Variants in EVA1C observed in about 807,000 individuals in gnomAD.
EVA1C encodes eva-1 homolog C.
Under a neutral mutation model 45.4 loss-of-function variants are expected in EVA1C, and 25 were observed. The ratio of observed to expected loss-of-function variants is 0.55; its 90% CI spans 0.40 to 0.77. The LOEUF (loss-of-function observed/expected upper bound fraction) is 0.77, where lower values mean the gene tolerates loss of function less well. Among genes scored for constraint, EVA1C ranks in the 30% least tolerant of loss-of-function variants. The pLI, the probability that EVA1C is intolerant of heterozygous loss-of-function variation, is 0.00. For synonymous variants in EVA1C, 190 were observed against 221.2 expected, an observed-to-expected ratio of 0.86 and a Z score of 1.25; for missense variants, 479 against 554.8, an observed-to-expected ratio of 0.86 and a Z score of 1.37.
chr21:32,503,630 G>C (rs1474060401), intron 6 of EVA1C, among the ~76,000 whole-genome samples: 1 of 152,206 alleles, frequency 6.6e-6, no homozygotes, highest in Non-Finnish European at 1.5e-5. Context: ...TTTAGGATGG[G>C]AAAATCCACT....
At chr21:32,488,680 G>A (rs1384414824) in intron 4 of EVA1C, among the ~76,000 whole-genome samples, 5 of 151,658 alleles carry the variant, frequency 3.3e-5, no homozygotes, top group African/African-American at 9.7e-5. Flanking sequence ...CCGCCTCCCC[G>A]GTTCAAGCAA....
At chr21:32,431,101 A>G (rs1212543091) in intron 1 of EVA1C, among the ~76,000 whole-genome samples, 1 of 152,188 alleles carries the variant, frequency 6.6e-6, no homozygotes, top group Non-Finnish European at 1.5e-5. Flanking sequence ...GGGAACTACA[A>G]TTAGAGATTT....
At chr21:32,445,006 G>A (rs1311534673) in intron 1 of EVA1C, among the ~76,000 whole-genome samples, 1 of 152,124 alleles carries the variant, frequency 6.6e-6, no homozygotes, top group African/African-American at 2.4e-5. Context: ...AATGACCAAG[G>A]CAAGTTGTAA....
intron 3 of EVA1C, 25 bp downstream of exon 3, chr21:32,457,745 T>A: frequency 6.2e-7 from 1 of 1,613,756 alleles, no homozygotes; most frequent in East Asian, 2.2e-5. Context: ...AGGGGGACAG[T>A]GTGTTTGGGG....
intron 2 of EVA1C, among the ~76,000 whole-genome samples, chr21:32,454,187 C>A (rs1383993499): frequency 6.6e-6 from 1 of 152,190 alleles, no homozygotes; most frequent in East Asian, 1.9e-4. Context: ...TGAGATCATG[C>A]CACTGCACTC....
chr21:32,479,936 T>G (rs1009215924), intron 4 of EVA1C, among the ~76,000 whole-genome samples: 1 of 151,850 alleles, frequency 6.6e-6, no homozygotes, highest in Admixed American at 6.6e-5. Context: ...CCCAGGGTGC[T>G]CTCATAGAAT....
At chr21:32,508,413 G>T (rs1282390537) in intron 7 of EVA1C, among the ~76,000 whole-genome samples, 3 of 152,188 alleles carry the variant, frequency 2.0e-5, no homozygotes, top group African/African-American at 7.2e-5. Context: ...TCCTGTTTTG[G>T]GAGGCATAAT....
intron 4 of EVA1C, among the ~76,000 whole-genome samples, chr21:32,491,190 G>A (rs546303986): frequency 6.6e-6 from 1 of 152,348 alleles, no homozygotes; most frequent in South Asian, 2.1e-4. Context: ...ATAAAGAGAT[G>A]TCAAGAGTCA....
At chr21:32,469,142 A>G (rs895511343) in intron 4 of EVA1C, among the ~76,000 whole-genome samples, 1 of 152,116 alleles carries the variant, frequency 6.6e-6, no homozygotes. Flanking sequence ...CATCAATGGC[A>G]CAACACAAAG....
In EVA1C at chr21:32,514,826, G is replaced by GAGC. The variant is rs776882302; in HGVS notation, c.963_965dup (p.Ala323dup). On this transcript the variant is annotated inframe_insertion, in exon 8 of 8. Coordinates refer to ENST00000300255, the MANE Select transcript of EVA1C (RefSeq NM_058187.5). ...CTTCCTCCTGCAGCCCACCCGGAGA[G>GAGC]AGCTGCCCTGCTGTTCGTGTCCAGT... 1 of 1,569,980 alleles carries GAGC rather than the reference G, an allele frequency of 6.4e-7. No individual in the cohort carries two copies. Among genetic ancestry groups the GAGC allele is most frequent in the South Asian group, 1.2e-5 (1 of 84,508 alleles).
chr21:32,510,755 C>A (rs1443567170), intron 7 of EVA1C, among the ~76,000 whole-genome samples: 2 of 152,204 alleles, frequency 1.3e-5, no homozygotes, highest in Admixed American at 6.5e-5. Flanking sequence ...GATATTCACA[C>A]CAGATGCCAT....
At chr21:32,418,057 G>T (rs1051156980) in intron 1 of EVA1C, among the ~76,000 whole-genome samples, 25 of 152,242 alleles carry the variant, frequency 1.6e-4, no homozygotes, top group South Asian at 4.2e-4. Flanking sequence ...CTCATCACCA[G>T]GGAGACCAGG....
intron 1 of EVA1C, among the ~76,000 whole-genome samples, chr21:32,414,104 T>C (rs2033940337): frequency 6.6e-6 from 1 of 152,222 alleles, no homozygotes; most frequent in Non-Finnish European, 1.5e-5. Context: ...GAGAATGTCA[T>C]TGTTAGTGGA....
chr21:32,417,845 C>T (rs939895703), intron 1 of EVA1C, among the ~76,000 whole-genome samples: 2 of 152,204 alleles, frequency 1.3e-5, no homozygotes, highest in Admixed American at 6.5e-5. Flanking sequence ...ATTCAGGCTG[C>T]ACCCCAAGAC....
In EVA1C at chr21:32,412,896, C is replaced by T. The variant is rs527851447; in HGVS notation, c.43C>T (p.Pro15Ser). ...CGCACGCCAACCGCCGACGCCCCAGCCCGTGCAGCATCCCGGCCTCCGCCG... is the reference window on the plus strand; with the variant it reads ...CGCACGCCAACCGCCGACGCCCCAGTCCGTGCAGCATCCCGGCCTCCGCCG... ...GRARQPPTPQ[P>S]VQHPGLRRQV... Residue 15 changes from proline (P) to serine (S), a missense_variant, in exon 1 of 8, where the codon CCC becomes TCC. Transcript: ENST00000300255. The T allele has an allele frequency of 1.2e-5, 18 of 1,512,294 alleles. No homozygotes were observed. In the East Asian group the frequency reaches 1.9e-4, roughly 16 times the overall value. 93.7% of individuals were successfully genotyped at this position (1,512,294 alleles called of 1,614,324 possible). A position where few individuals can be genotyped will look rare whatever the true frequency, so the allele number is the denominator to read the frequency against.
intron 7 of EVA1C, among the ~76,000 whole-genome samples, chr21:32,511,438 A>AAAAAAAAAAG (rs772421375): frequency 6.7e-5 from 10 of 148,658 alleles, no homozygotes; most frequent in Non-Finnish European, 1.3e-4. Context: ...AAAAAAAAAA[A>AAAAAAAAAAG]AAAGAAAGAA....
intron 1 of EVA1C, among the ~76,000 whole-genome samples, chr21:32,450,811 G>T (rs2035553770): frequency 6.6e-6 from 1 of 152,142 alleles, no homozygotes. Flanking sequence ...TGGTGCCTGG[G>T]GGGTACACTG....
chr21:32,439,442 G>T (rs941194306), intron 1 of EVA1C, among the ~76,000 whole-genome samples: 2 of 152,274 alleles, frequency 1.3e-5, no homozygotes, highest in East Asian at 1.9e-4. Flanking sequence ...CATGATTACC[G>T]TGTGGACGCC....
chr21:32,486,127 T>C (rs1420880235), intron 4 of EVA1C, among the ~76,000 whole-genome samples: 2 of 152,194 alleles, frequency 1.3e-5, no homozygotes, highest in East Asian at 1.9e-4. Flanking sequence ...CTGTTGTTCT[T>C]TTTTTTCTTT....
Sources: gnomAD v4.1 joint callset for allele counts (sites outside exome capture counted in the v4.1 genomes callset) on GRCh38, gnomAD v4.1.1 for gene constraint, MANE v1.5 for transcripts, NCBI Gene and HGNC (gene_info 2026-07-23, HGNC 2026-07-21) for gene names.